CDH23: variants seen among roughly 807,000 people sequenced by gnomAD.
CDH23 encodes cadherin-23.
A neutral mutation model predicts 317.1 loss-of-function variants in CDH23; 189 were observed. That is an observed-to-expected ratio of 0.60 (90% confidence interval 0.53 to 0.67). CDH23 has a LOEUF of 0.67. Among genes scored for constraint, CDH23 ranks in the 30% least tolerant of loss-of-function variants. The pLI is 0.00. For missense variants in CDH23, 4,401 were observed against 4,592.4 expected (o/e 0.96, Z 1.20); for synonymous variants, 1,839 against 1,876.8 (o/e 0.98, Z 0.52).
At chr10:71,497,036 G>A (rs1464212096) in intron 3 of CDH23, among the ~76,000 whole-genome samples, 2 of 152,166 alleles carry the variant, frequency 1.3e-5, no homozygotes, top group Non-Finnish European at 2.9e-5. Flanking sequence ...ATGGGTTCAC[G>A]AGTGCAGCCT....
chr10:71,582,752 C>T (rs1480891906), intron 9 of CDH23, among the ~76,000 whole-genome samples: 1 of 152,228 alleles, frequency 6.6e-6, no homozygotes, highest in East Asian at 1.9e-4. Context: ...TTCCCACCCA[C>T]AGTTGACCGA....
At chr10:71,467,193 C>T (rs1564598587) in intron 3 of CDH23, among the ~76,000 whole-genome samples, 2 of 152,110 alleles carry the variant, frequency 1.3e-5, no homozygotes, top group Non-Finnish European at 2.9e-5. Flanking sequence ...ACCTGGGCTG[C>T]TGGGTCCTAA....
At chr10:71,713,798 C>A (rs2132763841) in intron 28 of CDH23, 1 of 156,424 alleles carries the variant, frequency 6.4e-6, no homozygotes, top group Non-Finnish European at 1.4e-5. Context: ...CCCACCCCAA[C>A]CTCCAGGAAG....
intron 14 of CDH23, among the ~76,000 whole-genome samples, chr10:71,662,817 A>G (rs1324861795): frequency 6.6e-6 from 1 of 152,174 alleles, no homozygotes; most frequent in Non-Finnish European, 1.5e-5. Context: ...TGGGCGGCTT[A>G]AAACTACAGA....
At chr10:71,511,086 T>A in intron 5 of CDH23, 34 bp from the exon 6 acceptor site, 1 of 1,611,616 alleles carries the variant, frequency 6.2e-7, no homozygotes, top group Non-Finnish European at 8.5e-7. Context: ...CAGAGTCAGG[T>A]GGCGGCGCTA....
intron 14 of CDH23, among the ~76,000 whole-genome samples, chr10:71,661,553 A>G (rs376448758): frequency 2.0e-5 from 3 of 152,262 alleles, no homozygotes; most frequent in African/African-American, 7.2e-5. Context: ...TGGGAAGCAA[A>G]TAAATGAGAT....
In CDH23 at chr10:71,439,701, T is replaced by G. The variant is rs114367774; in HGVS notation, c.-5-126T>G. ...TGTGCTCCTAAACCCTCCATCTGGG[T>G]TGATTCCTTCTCCTCCCTTCCCAGC... On this transcript the variant is annotated intron_variant, in intron 1 of 69. Coordinates refer to ENST00000224721, the MANE Select transcript of CDH23 (RefSeq NM_022124.6). 6.2e-3 allele frequency: 4,162 copies of G among 672,498 alleles called. 122 individuals carry two copies. In the African/African-American group the frequency reaches 0.066, roughly 11 times the overall value. 41.7% of individuals were successfully genotyped at this position (672,498 alleles called of 1,614,324 possible). A position where few individuals can be genotyped will look rare whatever the true frequency, so the allele number is the denominator to read the frequency against.
rs762646673 is a variant in CDH23, at chr10:71,809,954, G to A, written c.8857G>A (p.Asp2953Asn). 1.6e-5 allele frequency: 25 copies of A among 1,612,366 alleles called. No homozygotes were observed. The highest frequency in any genetic ancestry group is 2.2e-5 in the East Asian group (1 of 44,886). The change falls in exon 61 of 70, where the codon GAC (aspartate) becomes AAC (asparagine). Residue 2953 changes from aspartate to asparagine, a missense_variant. Physicochemically the swap from Asp to Asn is conservative, Grantham distance 23 (BLOSUM62 1). Coordinates refer to ENST00000224721, the MANE Select transcript of CDH23 (RefSeq NM_022124.6). ...TAIIGIYILR[D>N]DQRVKIVINE... Reference sequence around the variant, plus strand: ...CATCATCGGCATCTACATCCTGAGGGACGACCAGCGCGTCAAGATCGTCAT... The same window carrying A: ...CATCATCGGCATCTACATCCTGAGGAACGACCAGCGCGTCAAGATCGTCAT...
rs79086169 is a variant in CDH23, at chr10:71,506,696, A to G, written c.146-3386A>G. On this transcript the variant is annotated intron_variant, in intron 3 of 69. Transcript: ENST00000224721. ...CTGGGCCCAGCTTCTGTAGAGAGGCAGAGCAGCGCTGGGCGGAGGAGTATG... is the reference window on the plus strand; with the variant it reads ...CTGGGCCCAGCTTCTGTAGAGAGGCGGAGCAGCGCTGGGCGGAGGAGTATG... 0.011 allele frequency among the ~76,000 whole-genome samples: 1,603 copies of G among 152,300 alleles called. 46 individuals carry two copies. The East Asian group carries it at 0.12, about 12-fold the overall frequency.
intron 11 of CDH23, among the ~76,000 whole-genome samples, chr10:71,620,684 A>G (rs1861423200): frequency 6.6e-6 from 1 of 152,156 alleles, no homozygotes; most frequent in Admixed American, 6.5e-5. Context: ...AGTGTCTCTG[A>G]CAGTGCAGGC....
At chr10:71,555,388 T>C (rs571868665) in intron 6 of CDH23, among the ~76,000 whole-genome samples, 4 of 152,208 alleles carry the variant, frequency 2.6e-5, no homozygotes, top group Admixed American at 6.5e-5. Context: ...GAAATAGCAT[T>C]CTTTATAACG....
intron 6 of CDH23, among the ~76,000 whole-genome samples, chr10:71,556,253 G>C (rs1856870458): frequency 6.6e-6 from 1 of 152,150 alleles, no homozygotes; most frequent in Admixed American, 6.5e-5. Context: ...TGAGATGCTG[G>C]ATGAGTGCTT....
intron 9 of CDH23, among the ~76,000 whole-genome samples, chr10:71,612,227 AGTGTGTGT>A (rs112383786): frequency 8.7e-5 from 13 of 149,186 alleles, no homozygotes; most frequent in Admixed American, 4.0e-4. Flanking sequence ...GTGAAAAAGA[AGTGTGTGT>A]GTGTGTGTGT....
At chr10:71,809,755 GC>G (rs1205957654) in intron 60 of CDH23, 64 bp from the exon 61 acceptor site, 53 of 1,573,916 alleles carry the variant, frequency 3.4e-5, no homozygotes, top group Non-Finnish European at 4.5e-5. Context: ...CAGGGCTCAT[GC>G]CCCTTCCTGG....
At position 71,646,197 on chromosome 10, in the gene CDH23, T is replaced by C. The variant is rs2305208; in HGVS notation, c.1290+217T>C. Among the ~76,000 whole-genome samples the C allele has an allele frequency of 0.14, 20,292 of 148,502 alleles. 1,500 individuals carry two copies. Among genetic ancestry groups the C allele is most frequent in the South Asian group, 0.19 (824 of 4,410 alleles). ...GATATGTCCAGTAATTGAGTGGAAT[T>C]TTACCAGACTCCCATCAGGAGCCTC... On this transcript the variant is annotated intron_variant, in intron 13 of 69. Coordinates refer to ENST00000224721, the MANE Select transcript of CDH23 (RefSeq NM_022124.6).
At chr10:71,682,257 A>G (rs1434319311) in intron 17 of CDH23, among the ~76,000 whole-genome samples, 188 bp from the exon 18 acceptor site, 1 of 152,214 alleles carries the variant, frequency 6.6e-6, no homozygotes, top group Non-Finnish European at 1.5e-5. Context: ...GGCGCAGCAC[A>G]GGGTCTGGCA....
At chr10:71,776,830 G>A (rs989075953) in intron 38 of CDH23, among the ~76,000 whole-genome samples, 3 of 152,236 alleles carry the variant, frequency 2.0e-5, no homozygotes, top group African/African-American at 7.2e-5. Flanking sequence ...TTCAGCCAGG[G>A]CCTCCCATTG....
At chr10:71,503,386 G>T (rs116685916) in intron 3 of CDH23, among the ~76,000 whole-genome samples, 2,593 of 152,320 alleles carry the variant, frequency 0.017, 59 homozygotes, top group African/African-American at 0.054. Context: ...CTGTCCATTT[G>T]TGCACACAGT....
intron 22 of CDH23, among the ~76,000 whole-genome samples, chr10:71,701,287 T>C (rs1865573852): frequency 6.6e-6 from 1 of 152,104 alleles, no homozygotes; most frequent in African/African-American, 2.4e-5. Context: ...GGGGGATCGG[T>C]GCACGCAGGG....
Sources: allele counts gnomAD v4.1 joint callset (sites outside exome capture counted in the v4.1 genomes callset), GRCh38; gene constraint gnomAD v4.1.1; transcripts MANE v1.5; gene names NCBI Gene and HGNC (gene_info 2026-07-23, HGNC 2026-07-21).